The following WDR18 variants were observed in gnomAD, a reference collection of about 807,000 sequenced individuals.
The protein encoded by WDR18 is WD repeat-containing protein 18.
WDR18 carries 33 observed loss-of-function variants against 49.6 expected under a neutral mutation model. The observed-to-expected ratio is 0.67, with a 90% CI of 0.50 to 0.89. The LOEUF (loss-of-function observed/expected upper bound fraction) is 0.89. Among genes scored for constraint, WDR18 ranks in the 40% least tolerant of loss-of-function variants. The probability of loss-of-function intolerance (pLI) is 0.00; values close to 1 mark genes in which losing one functional copy is unlikely to be tolerated. For missense variants in WDR18, 653 were observed against 593.6 expected, an observed-to-expected ratio of 1.10 and a Z score of -1.04; for synonymous variants, 315 against 263.6, an observed-to-expected ratio of 1.19 and a Z score of -1.89.
In WDR18 at chr19:991,164, G is replaced by A. The variant is rs1198084117; in HGVS notation, c.806+19G>A. ...GGCACAGGTGGGGACGTGGGAACGG[G>A]GCGGGGGCTCCCAGGCACGTCCTGT... On this transcript the variant is annotated intron_variant, in intron 6 of 9. Coordinates refer to ENST00000585809, the MANE Select transcript of WDR18 (RefSeq NM_024100.4). 38 of 1,557,926 alleles carry A rather than the reference G, an allele frequency of 2.4e-5. No individual in the cohort carries two copies. The highest frequency in any genetic ancestry group is 3.3e-5 in the Non-Finnish European group (38 of 1,151,060).
chr19:991,703 TGGCTGG>T, intron 7 of WDR18, among the ~76,000 whole-genome samples: 1 of 884 alleles, frequency 1.1e-3, no homozygotes, highest in African/African-American at 8.2e-3. Context: ...GGGCGGGGCC[TGGCTGG>T]GACGGGGCGG....
In WDR18 at chr19:989,815, C is replaced by T. The variant is rs2038520265; in HGVS notation, c.375C>T (p.Ser125=). The change falls in exon 3 of 10, where the codon TCC becomes TCT. Residue 125 remains serine, a synonymous_variant. Coordinates refer to ENST00000585809, the MANE Select transcript of WDR18 (RefSeq NM_024100.4). The part of the protein sequence containing the change: ...VILSRHYQDV[S]CLQFTGDSSH... ...TGAGTCGACACTACCAGGACGTCTC[C>T]TGCCTTCAGTTCACAGGGGACAGCA... 1.2e-6 allele frequency: 2 copies of T among 1,612,872 alleles called. No homozygotes were observed. Among genetic ancestry groups the T allele is most frequent in the Non-Finnish European group, 1.7e-6 (2 of 1,179,874 alleles).
At chr19:988,490 C>A (rs907169853) in intron 2 of WDR18, among the ~76,000 whole-genome samples, 1 of 152,218 alleles carries the variant, frequency 6.6e-6, no homozygotes, top group South Asian at 2.1e-4. Flanking sequence ...GCCATTTAAC[C>A]CTCCCCAGCC....
At position 992,098 on chromosome 19, in the gene WDR18, C is replaced by T; in HGVS notation, c.1075C>T (p.Leu359=). Residue 359 remains leucine, a synonymous_variant, in exon 8 of 10, where the codon CTG becomes TTG. Coordinates refer to ENST00000585809, the MANE Select transcript of WDR18 (RefSeq NM_024100.4). ...CGAGCCGCGCCACGGGGGCCTCACT[C>T]TGCGCCTGGGCCTCCACCAGCAGGT... ...GDEPRHGGLT[L]RLGLHQQGSE... The T allele has an allele frequency of 1.3e-6, 2 of 1,520,256 alleles. No homozygotes were observed. Among genetic ancestry groups the T allele is most frequent in the Non-Finnish European group, 1.8e-6 (2 of 1,138,924 alleles). The allele number at this position is 1,520,256 out of a possible 1,614,324, so 94.2% of individuals were successfully genotyped here.
chr19:990,179 C>T, intron 3 of WDR18, 44 bp from the exon 4 acceptor site: 1 of 1,560,628 alleles, frequency 6.4e-7, no homozygotes, highest in Non-Finnish European at 8.6e-7. Context: ...CTGCCCTGTT[C>T]CCTCCGCTCC....
chr19:989,920 G>C (rs762498425), intron 3 of WDR18, 25 bp downstream of exon 3: 2 of 1,578,304 alleles, frequency 1.3e-6, no homozygotes, highest in Admixed American at 3.6e-5. Context: ...ACTCAGGCCT[G>C]CACCTGGAAC....
rs956820126 is a variant in WDR18 at position 991,332 on chromosome 19, C to T, written c.912C>T (p.Ile304=). 1 of 1,556,264 alleles carries T rather than the reference C, an allele frequency of 6.4e-7. No individual in the cohort carries two copies. The highest frequency in any genetic ancestry group is 1.2e-5 in the South Asian group (1 of 84,758). ...GGGACGTGCAGAGCAAGCAGTGCAT[C>T]CGGACGGTGGCCCTCAAAGGTGGGC... is the stretch of plus-strand genomic sequence containing the variant. ...RLWDVQSKQC[I]RTVALKGPVT... The change falls in exon 7 of 10, where the codon ATC becomes ATT. Residue 304 remains isoleucine (I), a synonymous_variant. Transcript: ENST00000585809.
chr19:983,295 A>G (rs953085507), upstream of WDR18, among the ~76,000 whole-genome samples: 3 of 152,208 alleles, frequency 2.0e-5, no homozygotes, highest in Admixed American at 6.5e-5. Flanking sequence ...GTATAAATAA[A>G]TAATAGATAT....
chr19:993,436 G>A (rs1029131310), intron 8 of WDR18, among the ~76,000 whole-genome samples: 2 of 152,224 alleles, frequency 1.3e-5, no homozygotes, highest in Admixed American at 6.5e-5. Context: ...CTCCCGTGAC[G>A]GCTGCTAGTC....
chr19:990,417 G>A (rs758554212), intron 4 of WDR18, 53 bp downstream of exon 4: 169 of 1,468,178 alleles, frequency 1.2e-4, no homozygotes, highest in Non-Finnish European at 1.4e-4. Flanking sequence ...GCAGCCGCAG[G>A]TCCTCAGCCA....
At position 985,897 on chromosome 19, in the gene WDR18, GCCTGTCA is replaced by G; in HGVS notation, c.250_256del (p.Thr84Ter). The G allele has an allele frequency of 6.2e-7, 1 of 1,613,914 alleles. No individual in the cohort carries two copies. Among genetic ancestry groups the G allele is most frequent in the Non-Finnish European group, 8.5e-7 (1 of 1,179,982 alleles). The stretch of plus-strand genomic sequence containing the variant: ...TCCAGCAGAAGATCATGTGCCCCGG[GCCTGTCA>G]CCTGTCTGACTGCATCACCCAATGG... On this transcript the variant is annotated frameshift_variant, in exon 2 of 10. Coordinates refer to ENST00000585809, the MANE Select transcript of WDR18 (RefSeq NM_024100.4). LOFTEE classifies it high-confidence loss of function.
chr19:993,936 C>A, intron 8 of WDR18, 84 bp from the exon 9 acceptor site: 1 of 1,476,924 alleles, frequency 6.8e-7, no homozygotes, highest in East Asian at 2.5e-5. Flanking sequence ...TGAGTGGCTG[C>A]CCACGCTGGC....
intron 3 of WDR18, 129 bp downstream of exon 3, chr19:990,024 C>G: frequency 6.9e-7 from 1 of 1,445,002 alleles, no homozygotes; most frequent in Non-Finnish European, 9.1e-7. Context: ...ACGGAGTGAT[C>G]ATCCCAGGGG....
intron 3 of WDR18, 110 bp from the exon 4 acceptor site, chr19:990,113 G>C: frequency 2.8e-6 from 4 of 1,412,866 alleles, no homozygotes; most frequent in Non-Finnish European, 3.7e-6. Context: ...GGTGAGGCAG[G>C]CCAGGCTGCT....
At chr19:992,703 AG>A (rs994668171) in intron 8 of WDR18, among the ~76,000 whole-genome samples, 1 of 152,160 alleles carries the variant, frequency 6.6e-6, no homozygotes, top group African/African-American at 2.4e-5. Flanking sequence ...CCCAGCCCCA[AG>A]ACCCTCATAG....
chr19:991,949 C>T lies in WDR18; in HGVS notation c.932-6C>T. On this transcript the variant is annotated splice_region_variant and splice_polypyrimidine_tract_variant and intron_variant, in intron 7 of 9. Transcript: ENST00000585809. ...TGGGGCGGGGCCTGACCTCCGCGCC[C>T]CCCAGGCCCAGTCACCAATGCCGCC... 1 of 1,578,814 alleles carries T rather than the reference C, an allele frequency of 6.3e-7. No homozygotes were observed. The highest frequency in any genetic ancestry group is 1.1e-5 in the South Asian group (1 of 88,166).
At chr19:989,608 G>T (rs1385552271) in intron 2 of WDR18, among the ~76,000 whole-genome samples, 154 bp from the exon 3 acceptor site, 1 of 152,232 alleles carries the variant, frequency 6.6e-6, no homozygotes, top group Non-Finnish European at 1.5e-5. Context: ...GCTGGCCGCT[G>T]CCCTGACAGG....
chr19:984,330 G>T, upstream of WDR18: 2 of 1,569,388 alleles, frequency 1.3e-6, no homozygotes, highest in African/African-American at 1.4e-5. Context: ...GATGACGCAC[G>T]TCCGGGGCGG....
intron 2 of WDR18, among the ~76,000 whole-genome samples, chr19:987,365 A>ATG (rs2038485763): frequency 6.6e-6 from 1 of 151,920 alleles, no homozygotes; most frequent in Non-Finnish European, 1.5e-5. Context: ...GGGTCGGGAC[A>ATG]GGCAGCACAG....
Sources: gnomAD v4.1 joint callset for allele counts (sites outside exome capture counted in the v4.1 genomes callset) on GRCh38, gnomAD v4.1.1 for gene constraint, MANE v1.5 for transcripts, NCBI Gene and HGNC (gene_info 2026-07-23, HGNC 2026-07-21) for gene names.